Variants in BRCA1 observed in about 807,000 individuals in gnomAD.
The protein encoded by BRCA1 is breast cancer type 1 susceptibility protein.
Under a neutral mutation model 173.7 loss-of-function variants are expected in BRCA1, and 140 were observed. That is an observed-to-expected ratio of 0.81 (90% CI 0.70 to 0.93). The LOEUF (loss-of-function observed/expected upper bound fraction) is 0.93, where lower values mean the gene tolerates loss of function less well. Ranked by LOEUF, BRCA1 falls within the 40% of genes least tolerant of loss-of-function variation. The pLI, the probability that BRCA1 is intolerant of heterozygous loss-of-function variation, is 0.00. For synonymous variants in BRCA1, 662 were observed against 756.0 expected (o/e 0.88, Z 2.04); for missense variants, 1,983 against 2,172.5 (o/e 0.91, Z 1.73).
At chr17:43,072,009 A>AAAAAATAAATAAAT (rs916092693) in intron 14 of BRCA1, among the ~76,000 whole-genome samples, 1 of 151,666 alleles carries the variant, frequency 6.6e-6, no homozygotes, top group African/African-American at 2.4e-5. Flanking sequence ...CTCCGTCTCA[A>AAAAAATAAATAAAT]AAAAATAAAT....
intron 18 of BRCA1, among the ~76,000 whole-genome samples, chr17:43,059,436 C>T (rs1034656387): frequency 5.9e-5 from 9 of 151,930 alleles, no homozygotes; most frequent in African/African-American, 2.2e-4. Context: ...GCACTCCATG[C>T]ACTCTAGCCT....
intron 3 of BRCA1, among the ~76,000 whole-genome samples, chr17:43,109,138 T>C (rs1289724749): frequency 6.6e-6 from 1 of 151,894 alleles, no homozygotes. Flanking sequence ...GGATTACAGG[T>C]GTGAGCCATT....
intron 1 of BRCA1, 129 bp downstream of exon 1, chr17:43,125,139 TTAC>T (rs1255737412): frequency 1.6e-4 from 66 of 415,644 alleles, no homozygotes; most frequent in Non-Finnish European, 2.7e-4. Flanking sequence ...TCACAACGCC[TTAC>T]GCCTCTCAGG....
rs181737176 is a variant in BRCA1 at position 43,145,579 on chromosome 17, G to A, written c.-19-21464C>T. Among the ~76,000 whole-genome samples the A allele has an allele frequency of 2.7e-3, 412 of 152,244 alleles. 1 individual carries two copies. The highest frequency in any genetic ancestry group is 9.3e-3 in the African/African-American group (386 of 41,532). The stretch of plus-strand genomic sequence containing the variant: ...CTGACCTCGTGATCCGCCCGCCTCG[G>A]CCTCCCAAAGTGCTGGGATTACAGG... On this transcript the variant is annotated intron_variant, in intron 1 of 7. Coordinates refer to the BRCA1 transcript ENST00000634433.
chr17:43,144,428 T>C (rs763811115), intron 1 of BRCA1, among the ~76,000 whole-genome samples: 2 of 152,042 alleles, frequency 1.3e-5, no homozygotes, highest in African/African-American at 4.8e-5. Context: ...TGTGGTATTA[T>C]ACTTGATGAA....
intron 19 of BRCA1, among the ~76,000 whole-genome samples, chr17:43,054,951 T>C (rs1031066470): frequency 6.6e-5 from 10 of 152,202 alleles, no homozygotes; most frequent in East Asian, 1.9e-4. Context: ...GGTTTCACCA[T>C]GTTGGCCAGG....
intron 11 of BRCA1, among the ~76,000 whole-genome samples, chr17:43,083,341 A>T (rs1401294180): frequency 6.6e-6 from 1 of 152,060 alleles, no homozygotes; most frequent in East Asian, 1.9e-4. Flanking sequence ...ATTTTTGTAG[A>T]AACAGGGTTT....
intron 1 of BRCA1, among the ~76,000 whole-genome samples, chr17:43,154,814 AT>A (rs1256884889): frequency 6.6e-6 from 1 of 150,744 alleles, no homozygotes; most frequent in Non-Finnish European, 1.5e-5. Flanking sequence ...GAATAAGTGT[AT>A]TAAAGAGAAA....
intron 18 of BRCA1, among the ~76,000 whole-genome samples, chr17:43,058,045 A>AT (rs1555577184): frequency 1.6e-3 from 232 of 148,624 alleles, no homozygotes; most frequent in Non-Finnish European, 2.8e-3. Context: ...AAAAAAAAAA[A>AT]TTTAAGGCAT....
chr17:43,099,824 C>T lies in BRCA1; in HGVS notation c.498G>A (p.Arg166=), dbSNP rs1474499188. Residue 166 remains arginine, a synonymous_variant, in exon 7 of 23, where the codon AGG becomes AGA. Transcript: ENST00000357654. ...LSNLGTVRTL[R]TKQRIQPQKT... is the part of the protein sequence containing the mutation. Reference sequence around the variant, plus strand: ...TTTGAGGTTGTATCCGCTGCTTTGTCCTCAGAGTTCTCACAGTTCCAAGGT... The same window carrying T: ...TTTGAGGTTGTATCCGCTGCTTTGTTCTCAGAGTTCTCACAGTTCCAAGGT... 2 of 1,613,872 alleles carry T rather than the reference C, an allele frequency of 1.2e-6. No individual in the cohort carries two copies. The highest frequency in any genetic ancestry group is 1.7e-5 in the Admixed American group (1 of 60,006).
chr17:43,139,763 C>T, intron 1 of BRCA1: 1 of 428,222 alleles, frequency 2.3e-6, no homozygotes, highest in Non-Finnish European at 4.7e-6. Flanking sequence ...CATCATTTAG[C>T]TCCCACTTAT....
At chr17:43,088,872 T>C (rs1033047100) in intron 11 of BRCA1, among the ~76,000 whole-genome samples, 1 of 152,206 alleles carries the variant, frequency 6.6e-6, no homozygotes, top group Admixed American at 6.5e-5. Flanking sequence ...GTATTCTGCA[T>C]AGAACCCTGT....
At chr17:43,084,974 G>C (rs570884346) in intron 11 of BRCA1, among the ~76,000 whole-genome samples, 1 of 152,218 alleles carries the variant, frequency 6.6e-6, no homozygotes, top group African/African-American at 2.4e-5. Flanking sequence ...TTTCCTTTGG[G>C]TTTCCCAAAG....
chr17:43,129,912 C>T (rs1299951024), upstream of BRCA1, among the ~76,000 whole-genome samples: 1 of 152,146 alleles, frequency 6.6e-6, no homozygotes, highest in Admixed American at 6.6e-5. Context: ...TTAACGACCC[C>T]AGTAATTACA....
intron 3 of BRCA1, among the ~76,000 whole-genome samples, chr17:43,111,939 G>A (rs1395610340): frequency 3.3e-5 from 5 of 152,160 alleles, no homozygotes; most frequent in African/African-American, 1.2e-4. Flanking sequence ...GAGTTTATCC[G>A]TAGAAAATAC....
In BRCA1 at chr17:43,093,814, A is replaced by G. The variant is rs876660448; in HGVS notation, c.1717T>C (p.Ser573Pro). The change falls in exon 10 of 23, where the codon TCA becomes CCA. Residue 573 changes from serine to proline, a missense_variant. Ser to Pro is a moderately conservative substitution (Grantham distance 74, BLOSUM62 -1). Transcript: ENST00000357654. The stretch of plus-strand genomic sequence containing the variant: ...TTGAAAGCAGATTCTTTTTCGAGTG[A>G]TTCTATTGGGTTAGGATTTTTCTCA... ...QNEKNPNPIESLEKESAFKTK... is the reference protein window; with the variant it reads ...QNEKNPNPIEPLEKESAFKTK... 8 of 1,613,376 alleles carry G rather than the reference A, an allele frequency of 5.0e-6. No homozygotes were observed. Among genetic ancestry groups the G allele is most frequent in the Non-Finnish European group, 6.8e-6 (8 of 1,179,896 alleles).
intron 11 of BRCA1, among the ~76,000 whole-genome samples, chr17:43,088,981 C>T (rs971491155): frequency 6.6e-6 from 1 of 152,088 alleles, no homozygotes; most frequent in Non-Finnish European, 1.5e-5. Context: ...TGAATTTTTG[C>T]ATGAGAACTT....
upstream of BRCA1, among the ~76,000 whole-genome samples, chr17:43,127,098 C>A (rs2055904514): frequency 6.6e-6 from 1 of 152,226 alleles, no homozygotes; most frequent in South Asian, 2.1e-4. Flanking sequence ...GCCCGAGCCC[C>A]CTCCCAACCC....
At chr17:43,075,143 C>T (rs2052654364) in intron 13 of BRCA1, among the ~76,000 whole-genome samples, 1 of 152,066 alleles carries the variant, frequency 6.6e-6, no homozygotes, top group African/African-American at 2.4e-5. Context: ...TACCAAATTA[C>T]TCACTGCCAC....
Sources: gnomAD v4.1 joint callset for allele counts (sites outside exome capture counted in the v4.1 genomes callset) on GRCh38, gnomAD v4.1.1 for gene constraint, MANE v1.5 for transcripts, NCBI Gene and HGNC (gene_info 2026-07-23, HGNC 2026-07-21) for gene names.